Variants in RGS6 observed in about 807,000 individuals in gnomAD.
The protein encoded by RGS6 is regulator of G-protein signaling 6.
A neutral mutation model predicts 78.5 loss-of-function variants in RGS6; 30 were observed. The observed-to-expected ratio is 0.38, with a 90% CI of 0.29 to 0.52. The LOEUF is 0.52. Among genes scored for constraint, RGS6 ranks in the 20% least tolerant of loss-of-function variants. The pLI is 0.85. For missense variants in RGS6, 495 were observed against 609.7 expected (o/e 0.81, Z 1.98); for synonymous variants, 206 against 206.0 (o/e 1.00, Z 0.00).
chr14:72,315,311 A>C (rs990572749), intron 2 of RGS6, among the ~76,000 whole-genome samples: 1 of 152,240 alleles, frequency 6.6e-6, no homozygotes, highest in African/African-American at 2.4e-5. Flanking sequence ...AGATACTTGA[A>C]ATAACGTTTA....
intron 12 of RGS6, among the ~76,000 whole-genome samples, chr14:72,488,676 T>C (rs12588021): frequency 0.68 from 103,272 of 152,132 alleles, 36,041 homozygotes; most frequent in East Asian, 0.96. Flanking sequence ...AATAGGCAGC[T>C]GGAGCCTGCA....
intron 2 of RGS6, among the ~76,000 whole-genome samples, chr14:72,238,023 A>G (rs1368505706): frequency 3.3e-5 from 5 of 152,128 alleles, no homozygotes; most frequent in South Asian, 2.1e-4. Context: ...AGGATGGTTC[A>G]AAATATGGAG....
At chr14:71,881,529 C>T in the RGS6 span, among the ~76,000 whole-genome samples, 13 of 152,254 alleles carry the variant, frequency 8.5e-5, no homozygotes, top group Non-Finnish European at 1.3e-4. Context: ...GTAGTGAATA[C>T]GTCTCAAGAG....
intron 2 of RGS6, among the ~76,000 whole-genome samples, chr14:72,258,613 A>G (rs2057538479): frequency 6.6e-6 from 1 of 152,224 alleles, no homozygotes; most frequent in South Asian, 2.1e-4. Context: ...TGGAGCCAGA[A>G]GAGAAAGCTT....
At chr14:72,004,072 G>A (rs747389272) in intron 2 of RGS6, among the ~76,000 whole-genome samples, 5 of 152,320 alleles carry the variant, frequency 3.3e-5, no homozygotes, top group Non-Finnish European at 7.3e-5. Context: ...TAAGAGACAA[G>A]TGGAATGCTT....
the RGS6 span, among the ~76,000 whole-genome samples, chr14:71,885,794 TC>T: frequency 2.0e-5 from 3 of 152,202 alleles, no homozygotes; most frequent in African/African-American, 7.2e-5. Flanking sequence ...GAAGACCCTG[TC>T]CTTTGGCCTT....
intron 2 of RGS6, among the ~76,000 whole-genome samples, chr14:72,057,613 A>G (rs775287465): frequency 9.2e-5 from 14 of 151,872 alleles, no homozygotes; most frequent in Non-Finnish European, 1.8e-4. Context: ...CTTTCCTATC[A>G]CCTCCTTTAA....
intron 6 of RGS6, among the ~76,000 whole-genome samples, chr14:72,460,939 G>C (rs1039475622): frequency 6.6e-6 from 1 of 151,974 alleles, no homozygotes; most frequent in Non-Finnish European, 1.5e-5. Flanking sequence ...ACCTACTAAG[G>C]CTGGAGTTGT....
chr14:72,058,902 T>C (rs2093753095), intron 2 of RGS6, among the ~76,000 whole-genome samples: 1 of 152,140 alleles, frequency 6.6e-6, no homozygotes, highest in Non-Finnish European at 1.5e-5. Flanking sequence ...GCTGCACTTA[T>C]TTTTATTTTT....
At chr14:72,458,245 T>C in intron 4 of RGS6, 26 bp from the exon 5 acceptor site, 1 of 1,556,956 alleles carries the variant, frequency 6.4e-7, no homozygotes, top group Non-Finnish European at 8.8e-7. Flanking sequence ...TCTAATTCCT[T>C]CTCTCTCTAT....
At chr14:72,073,857 G>A (rs1195395732) in intron 2 of RGS6, among the ~76,000 whole-genome samples, 1 of 152,084 alleles carries the variant, frequency 6.6e-6, no homozygotes, top group Non-Finnish European at 1.5e-5. Context: ...ATTTTAAGTA[G>A]ACTAAGAAAA....
At chr14:71,999,091 TAATTA>T (rs2153217278) in intron 2 of RGS6, among the ~76,000 whole-genome samples, 1 of 152,308 alleles carries the variant, frequency 6.6e-6, no homozygotes, top group East Asian at 1.9e-4. Flanking sequence ...TAAAGTTAGT[TAATTA>T]AATTAAAATG....
chr14:72,398,348 T>G (rs1300722347), intron 3 of RGS6, among the ~76,000 whole-genome samples: 1 of 152,234 alleles, frequency 6.6e-6, no homozygotes, highest in African/African-American at 2.4e-5. Flanking sequence ...TAGAGGTGTT[T>G]ATAGTATTCT....
intron 15 of RGS6, among the ~76,000 whole-genome samples, chr14:72,521,607 G>C (rs2097042834): frequency 6.6e-6 from 1 of 152,140 alleles, no homozygotes; most frequent in African/African-American, 2.4e-5. Flanking sequence ...TATCTGCTAG[G>C]ATTAGTCTCC....
At chr14:72,207,880 A>T (rs1268068261) in intron 2 of RGS6, among the ~76,000 whole-genome samples, 1 of 152,208 alleles carries the variant, frequency 6.6e-6, no homozygotes, top group African/African-American at 2.4e-5. Flanking sequence ...TATTAATAGG[A>T]CAATAATAGT....
chr14:72,404,819 C>T (rs370691899), intron 3 of RGS6, among the ~76,000 whole-genome samples: 2 of 152,204 alleles, frequency 1.3e-5, no homozygotes, highest in African/African-American at 2.4e-5. Context: ...CCCGAGATAG[C>T]GAGAGCACCT....
At chr14:71,932,123 G>C (rs36322), upstream of RGS6, among the ~76,000 whole-genome samples, 9,189 of 152,294 alleles carry the variant, frequency 0.06, 378 homozygotes, top group Non-Finnish European at 0.091. Flanking sequence ...GCCTCCGCCC[G>C]GTCGAGCCAG....
intron 2 of RGS6, among the ~76,000 whole-genome samples, chr14:72,125,908 A>C (rs1046872729): frequency 6.6e-6 from 1 of 152,196 alleles, no homozygotes; most frequent in Non-Finnish European, 1.5e-5. Flanking sequence ...CTATAAAACA[A>C]TGTAAGCAAC....
At chr14:72,024,660 C>T (rs2153277042) in intron 2 of RGS6, among the ~76,000 whole-genome samples, 1 of 152,206 alleles carries the variant, frequency 6.6e-6, no homozygotes, top group East Asian at 1.9e-4. Flanking sequence ...AGAAAAGTCC[C>T]ACAAGATGGG....
Sources: allele counts gnomAD v4.1 joint callset (sites outside exome capture counted in the v4.1 genomes callset), GRCh38; gene constraint gnomAD v4.1.1; transcripts MANE v1.5; gene names NCBI Gene and HGNC (gene_info 2026-07-23, HGNC 2026-07-21).